EGFLAM: variants seen among roughly 807,000 people sequenced by gnomAD.
EGFLAM encodes EGF like, fibronectin type III and laminin G domains.
Under a neutral mutation model 113.1 loss-of-function variants are expected in EGFLAM, and 79 were observed. The observed-to-expected ratio is 0.70, with a 90% CI of 0.58 to 0.84. The LOEUF (loss-of-function observed/expected upper bound fraction) is 0.84, where lower values mean the gene tolerates loss of function less well. Ranked by LOEUF, EGFLAM falls within the 40% of genes least tolerant of loss-of-function variation. The probability of loss-of-function intolerance (pLI) is 0.00; values close to 1 mark genes in which losing one functional copy is unlikely to be tolerated. For missense variants in EGFLAM, 1,265 were observed against 1,291.6 expected (o/e 0.98, Z 0.32); for synonymous variants, 504 against 487.6 (o/e 1.03, Z -0.44).
At position 38,407,122 on chromosome 5, in the gene EGFLAM, A is replaced by G; in HGVS notation, c.1123A>G (p.Lys375Glu). 6.2e-7 allele frequency: 1 copy of G among 1,613,858 alleles called. No homozygotes were observed. The highest frequency in any genetic ancestry group is 2.2e-5 in the East Asian group (1 of 44,868). The change falls in exon 8 of 22, where the codon AAA becomes GAA. Residue 375 changes from lysine to glutamate, a missense_variant. Coordinates refer to ENST00000322350, the MANE Select transcript of EGFLAM (RefSeq NM_152403.4). ...GGSRCQCTLG[K>E]GGESCSEDIV... ...CTCGCGATGCCAGTGCACCCTGGGC[A>G]AAGGTGGTGAGAGCTGCTCAGAAGG...
In EGFLAM at chr5:38,403,684, A is replaced by G. The variant is rs890815767; in HGVS notation, c.713-2442A>G. ...GCTACTCAGAACTTATGAATTGTTT[A>G]TTTCTGGAATTTCCCATTTAATATT... On this transcript the variant is annotated intron_variant, in intron 6 of 21. Transcript: ENST00000322350. 1.6e-5 allele frequency: 20 copies of G among 1,280,810 alleles called. No individual in the cohort carries two copies. In the African/African-American group the frequency reaches 2.0e-4, roughly 12 times the overall value. 79.3% of individuals were successfully genotyped at this position (1,280,810 alleles called of 1,614,324 possible). A position where few individuals can be genotyped will look rare whatever the true frequency, so the allele number is the denominator to read the frequency against.
At chr5:38,409,154 A>G in intron 10 of EGFLAM, 50 bp downstream of exon 10, 2 of 1,406,034 alleles carry the variant, frequency 1.4e-6, no homozygotes, top group Middle Eastern at 3.6e-4. Flanking sequence ...ATTATCTTAC[A>G]TTATATTTGC....
chr5:38,375,052 CTGT>C (rs1426742155), intron 6 of EGFLAM, among the ~76,000 whole-genome samples: 14 of 117,658 alleles, frequency 1.2e-4, no homozygotes, highest in Non-Finnish European at 1.9e-4. Flanking sequence ...TCTGTTTACT[CTGT>C]TGTTGTTTTT....
At chr5:38,419,551 A>G (rs1484267225) in intron 12 of EGFLAM, among the ~76,000 whole-genome samples, 2 of 152,106 alleles carry the variant, frequency 1.3e-5, no homozygotes, top group South Asian at 2.1e-4. Context: ...CCCTTTCTCC[A>G]TTCCTCAGTC....
At chr5:38,453,493 G>A (rs972144688) in intron 19 of EGFLAM, among the ~76,000 whole-genome samples, 3 of 152,142 alleles carry the variant, frequency 2.0e-5, no homozygotes, top group African/African-American at 7.2e-5. Flanking sequence ...CTAAATAGCA[G>A]AGCATGCTAA....
At chr5:38,312,508 G>A (rs1738482204) in intron 1 of EGFLAM, among the ~76,000 whole-genome samples, 1 of 152,114 alleles carries the variant, frequency 6.6e-6, no homozygotes, top group Admixed American at 6.5e-5. Context: ...CCAAAGTCCT[G>A]GGATTACAGG....
intron 6 of EGFLAM, among the ~76,000 whole-genome samples, chr5:38,405,818 C>T (rs2112124675): frequency 6.6e-6 from 1 of 152,264 alleles, no homozygotes; most frequent in East Asian, 1.9e-4. Context: ...ATACAAGTAC[C>T]ATATGAGTCC....
chr5:38,275,552 G>A (rs1757865381), intron 1 of EGFLAM, among the ~76,000 whole-genome samples: 1 of 152,172 alleles, frequency 6.6e-6, no homozygotes, highest in Admixed American at 6.6e-5. Context: ...CCCAACATCA[G>A]AGTACATAAA....
intron 1 of EGFLAM, 112 bp downstream of exon 1, chr5:38,258,963 C>G: frequency 8.5e-7 from 1 of 1,172,384 alleles, no homozygotes; most frequent in Non-Finnish European, 1.2e-6. Flanking sequence ...CCAACGTCTG[C>G]TTAACTCGCT....
intron 1 of EGFLAM, among the ~76,000 whole-genome samples, chr5:38,312,649 C>T (rs1738486673): frequency 6.6e-6 from 1 of 152,200 alleles, no homozygotes. Flanking sequence ...TGTTATTCTT[C>T]TGCCTTTGGT....
intron 10 of EGFLAM, 94 bp downstream of exon 10, chr5:38,409,198 G>T: frequency 1.1e-6 from 1 of 929,566 alleles, no homozygotes; most frequent in Non-Finnish European, 1.6e-6. Context: ...ATACAGGATA[G>T]GTTCTAGTAG....
chr5:38,275,057 C>T (rs1220706008), intron 1 of EGFLAM, among the ~76,000 whole-genome samples: 1 of 151,940 alleles, frequency 6.6e-6, no homozygotes, highest in Non-Finnish European at 1.5e-5. Context: ...TTCTGTAAGA[C>T]TCGTGGTAAC....
intron 5 of EGFLAM, among the ~76,000 whole-genome samples, chr5:38,363,680 C>T (rs1252849275): frequency 2.6e-5 from 4 of 151,988 alleles, no homozygotes; most frequent in Non-Finnish European, 5.9e-5. Context: ...TTTTGATGAT[C>T]CTTTTCAATA....
At chr5:38,422,860 G>C (rs1226774451) in intron 12 of EGFLAM, among the ~76,000 whole-genome samples, 2 of 152,172 alleles carry the variant, frequency 1.3e-5, no homozygotes, top group African/African-American at 4.8e-5. Flanking sequence ...GGCTAGGGAA[G>C]ATACAGATGC....
At chr5:38,440,808 A>C (rs1437623847) in intron 17 of EGFLAM, among the ~76,000 whole-genome samples, 1 of 152,238 alleles carries the variant, frequency 6.6e-6, no homozygotes. Context: ...AACCAGCACC[A>C]GGGCTCATCC....
chr5:38,341,789 C>A (rs1360808671), intron 3 of EGFLAM, among the ~76,000 whole-genome samples: 3 of 152,136 alleles, frequency 2.0e-5, no homozygotes, highest in Non-Finnish European at 4.4e-5. Context: ...CAGCACGATA[C>A]CTGGCAGAGA....
intron 6 of EGFLAM, among the ~76,000 whole-genome samples, chr5:38,373,882 C>T (rs1740295059): frequency 6.6e-6 from 1 of 152,122 alleles, no homozygotes; most frequent in Non-Finnish European, 1.5e-5. Context: ...CCATGAACAG[C>T]GTATAAGCCT....
At chr5:38,355,437 A>G (rs776064722) in intron 5 of EGFLAM, among the ~76,000 whole-genome samples, 3 of 152,162 alleles carry the variant, frequency 2.0e-5, no homozygotes, top group South Asian at 4.1e-4. Context: ...TGAGCCCTCC[A>G]AGAACTGTCC....
intron 20 of EGFLAM, among the ~76,000 whole-genome samples, chr5:38,458,598 AAACCTTCATTAAGCAGT>A (rs1189183761): frequency 6.6e-6 from 1 of 152,204 alleles, no homozygotes; most frequent in Non-Finnish European, 1.5e-5. Context: ...CTGAACCCCC[AAACCTTCATTAAGCAGT>A]AACCTTCTGG....
Sources: gnomAD v4.1 joint callset for allele counts (sites outside exome capture counted in the v4.1 genomes callset) on GRCh38, gnomAD v4.1.1 for gene constraint, MANE v1.5 for transcripts, NCBI Gene and HGNC (gene_info 2026-07-23, HGNC 2026-07-21) for gene names.